Variants in ELMO1 observed in about 807,000 individuals in gnomAD.
The protein encoded by ELMO1 is engulfment and cell motility 1, also known as engulfment and cell motility protein 1.
ELMO1 carries 26 observed loss-of-function variants against 98.9 expected under a neutral mutation model. The ratio of observed to expected loss-of-function variants is 0.26; its 90% CI spans 0.19 to 0.36. The LOEUF is 0.36. Among genes scored for constraint, ELMO1 ranks in the 10% least tolerant of loss-of-function variants. The probability of loss-of-function intolerance (pLI) is 1.00; values close to 1 mark genes in which losing one functional copy is unlikely to be tolerated. For missense variants in ELMO1, 627 were observed against 935.2 expected (o/e 0.67, Z 4.30); for synonymous variants, 346 against 346.0 (o/e 1.00, Z 0.00).
chr7:37,097,595 A>C (rs1305265044), intron 14 of ELMO1, among the ~76,000 whole-genome samples: 2 of 151,932 alleles, frequency 1.3e-5, no homozygotes, highest in African/African-American at 4.8e-5. Context: ...AAAGAGAAAG[A>C]AAGAGAGAAA....
chr7:37,256,808 A>G (rs1795690401), intron 6 of ELMO1, among the ~76,000 whole-genome samples: 1 of 138,898 alleles, frequency 7.2e-6, no homozygotes, highest in Admixed American at 7.5e-5. Flanking sequence ...GGGAAAGGAG[A>G]GGAAGGGGAC....
At chr7:37,306,741 A>T (rs951027646) in intron 4 of ELMO1, among the ~76,000 whole-genome samples, 1 of 152,176 alleles carries the variant, frequency 6.6e-6, no homozygotes, top group Admixed American at 6.5e-5. Flanking sequence ...CTTTGCTATC[A>T]AAAAAATAAA....
chr7:37,313,846 AC>A (rs1402063417), intron 4 of ELMO1, among the ~76,000 whole-genome samples: 8 of 152,136 alleles, frequency 5.3e-5, no homozygotes, highest in African/African-American at 1.7e-4. Context: ...GCCTGAGGCC[AC>A]CCGATTCTCC....
intron 11 of ELMO1, 73 bp downstream of exon 11, chr7:37,216,572 C>T: frequency 6.4e-7 from 1 of 1,555,898 alleles, no homozygotes; most frequent in Non-Finnish European, 8.9e-7. Flanking sequence ...CAGACTGAAG[C>T]CAAAAGAAGA....
chr7:36,868,414 C>T (rs1302722288), intron 20 of ELMO1, among the ~76,000 whole-genome samples: 5 of 150,384 alleles, frequency 3.3e-5, no homozygotes, highest in South Asian at 4.2e-4. Flanking sequence ...GACATGATCT[C>T]GGCTCATCGC....
At chr7:37,136,102 T>C (rs1787245765) in intron 13 of ELMO1, among the ~76,000 whole-genome samples, 1 of 152,078 alleles carries the variant, frequency 6.6e-6, no homozygotes, top group Non-Finnish European at 1.5e-5. Flanking sequence ...AGCAGTAGAA[T>C]TAGCAAGCAA....
At chr7:37,315,817 T>C (rs1445347945) in intron 3 of ELMO1, 103 bp downstream of exon 3, 7 of 1,040,080 alleles carry the variant, frequency 6.7e-6, no homozygotes, top group Non-Finnish European at 1.0e-5. Flanking sequence ...AGCAAGTCAG[T>C]GGGTGACTTA....
intron 13 of ELMO1, among the ~76,000 whole-genome samples, chr7:37,202,832 A>G (rs1233033316): frequency 6.6e-6 from 1 of 152,126 alleles, no homozygotes; most frequent in Non-Finnish European, 1.5e-5. Flanking sequence ...TGTGGGTCAA[A>G]TTGGTCCCAA....
At chr7:37,149,497 GA>G (rs150262301) in intron 13 of ELMO1, among the ~76,000 whole-genome samples, 9,268 of 152,100 alleles carry the variant, frequency 0.061, 363 homozygotes, top group African/African-American at 0.1. Flanking sequence ...TTAATCAAAA[GA>G]AAAAAATCTG....
intron 13 of ELMO1, among the ~76,000 whole-genome samples, chr7:37,147,963 G>A (rs1394463511): frequency 6.6e-6 from 1 of 152,184 alleles, no homozygotes; most frequent in Non-Finnish European, 1.5e-5. Context: ...TCAGGCATCT[G>A]AAAGGGTATT....
At chr7:37,079,427 AGGC>A (rs1797745911) in intron 15 of ELMO1, among the ~76,000 whole-genome samples, 8 of 152,346 alleles carry the variant, frequency 5.3e-5, no homozygotes, top group Middle Eastern at 3.4e-3. Context: ...ATGGGCTTGA[AGGC>A]TGTGGTGATG....
intron 16 of ELMO1, among the ~76,000 whole-genome samples, chr7:36,951,810 C>T (rs1210503521): frequency 2.0e-5 from 3 of 152,234 alleles, no homozygotes; most frequent in East Asian, 3.8e-4. Flanking sequence ...CATGTCTTCT[C>T]TGCTAGAAAC....
Position 37,354,134 on chromosome 7 carries a change from G to C in ELMO1, c.-73-11371C>G, listed in dbSNP as rs554680090. On this transcript the variant is annotated intron_variant, in intron 1 of 21. Transcript: ENST00000310758. ...CACTTTTCCACACCTTATCCTATTTGTTTATATGAGTTCTCTGAGGGTAGG... is the reference window on the plus strand; with the variant it reads ...CACTTTTCCACACCTTATCCTATTTCTTTATATGAGTTCTCTGAGGGTAGG... Among the ~76,000 whole-genome samples the C allele has an allele frequency of 5.3e-5, 8 of 152,224 alleles. No homozygotes were observed. The South Asian group carries it at 1.5e-3, about 28-fold the overall frequency.
rs188582550 is a variant in ELMO1 at position 37,290,234 on chromosome 7, T to G, written c.193-18352A>C. On this transcript the variant is annotated intron_variant, in intron 4 of 21. Coordinates refer to ENST00000310758, the MANE Select transcript of ELMO1 (RefSeq NM_014800.11). ...TACAGGCTCTATAATGAGATTTTAG[T>G]TTTTTAGTATTAAAAAAAATCCTGC... is the stretch of plus-strand genomic sequence containing the variant. Among the ~76,000 whole-genome samples the G allele has an allele frequency of 2.7e-3, 405 of 152,258 alleles. 1 individual carries two copies. Among genetic ancestry groups the G allele is most frequent in the Middle Eastern group, 6.8e-3 (2 of 292 alleles).
intron 16 of ELMO1, among the ~76,000 whole-genome samples, chr7:36,918,065 G>C (rs1784847269): frequency 6.6e-6 from 1 of 152,130 alleles, no homozygotes; most frequent in Non-Finnish European, 1.5e-5. Flanking sequence ...ATTCATTTTA[G>C]TTCTAGCATA....
intron 16 of ELMO1, among the ~76,000 whole-genome samples, chr7:36,930,371 T>C (rs1476610689): frequency 1.3e-5 from 2 of 152,374 alleles, no homozygotes; most frequent in African/African-American, 2.4e-5. Flanking sequence ...TTTTTGGATG[T>C]GCCTTTTTAA....
chr7:36,943,395 C>T (rs753306807), intron 16 of ELMO1, among the ~76,000 whole-genome samples: 35 of 152,220 alleles, frequency 2.3e-4, no homozygotes, highest in Non-Finnish European at 4.4e-4. Context: ...CCACACTCAT[C>T]CTAACAAAAG....
chr7:37,314,774 C>T, intron 4 of ELMO1, 76 bp downstream of exon 4: 1 of 1,410,478 alleles, frequency 7.1e-7, no homozygotes, highest in Non-Finnish European at 9.8e-7. Flanking sequence ...CATGTCTAGG[C>T]CCGAACAAAG....
chr7:37,078,188 CATCTTT>C (rs539715003), intron 15 of ELMO1, among the ~76,000 whole-genome samples: 40 of 152,098 alleles, frequency 2.6e-4, no homozygotes, highest in Non-Finnish European at 5.1e-4. Context: ...CGATTATATT[CATCTTT>C]ATAATAATGC....
Sources: allele counts gnomAD v4.1 joint callset (sites outside exome capture counted in the v4.1 genomes callset), GRCh38; gene constraint gnomAD v4.1.1; transcripts MANE v1.5; gene names NCBI Gene and HGNC (gene_info 2026-07-23, HGNC 2026-07-21).